Variants in IMMP2L observed in about 807,000 individuals in gnomAD.
IMMP2L encodes the protein mitochondrial inner membrane protease subunit 2.
Under a neutral mutation model 19.3 loss-of-function variants are expected in IMMP2L, and 18 were observed. The ratio of observed to expected loss-of-function variants is 0.93; its 90% CI spans 0.64 to 1.38. The LOEUF (loss-of-function observed/expected upper bound fraction) is 1.38, where lower values mean the gene tolerates loss of function less well. IMMP2L is among the 40% of genes most tolerant of loss of function. The pLI is 0.00. For missense variants in IMMP2L, 233 were observed against 218.2 expected, an observed-to-expected ratio of 1.07 and a Z score of -0.43; for synonymous variants, 76 against 73.0, an observed-to-expected ratio of 1.04 and a Z score of -0.21.
chr7:111,012,529 A>G (rs1825076949), intron 3 of IMMP2L, among the ~76,000 whole-genome samples: 1 of 152,182 alleles, frequency 6.6e-6, no homozygotes. Context: ...CATAGGGGCA[A>G]ATGAAACATA....
rs1218312046 is a variant in IMMP2L, at chr7:111,370,850, C to T, written c.239+116388G>A. Reference sequence around the variant, plus strand: ...TATTTAAAGATAAATAAAATCTGCACATGGTGAGAAAATATTAACACAAAA... The same window carrying T: ...TATTTAAAGATAAATAAAATCTGCATATGGTGAGAAAATATTAACACAAAA... On this transcript the variant is annotated intron_variant, in intron 3 of 5. Transcript: ENST00000405709. 2.0e-5 allele frequency among the ~76,000 whole-genome samples: 3 copies of T among 151,890 alleles called. No homozygotes were observed. The Admixed American group carries it at 2.0e-4, about 10-fold the overall frequency.
chr7:111,470,739 G>A (rs1490001716), intron 3 of IMMP2L, among the ~76,000 whole-genome samples: 1 of 119,220 alleles, frequency 8.4e-6, no homozygotes, highest in East Asian at 3.1e-4. Context: ...TGGGGGGGAG[G>A]GGGGAGGGAT....
intron 3 of IMMP2L, among the ~76,000 whole-genome samples, chr7:111,047,400 C>G (rs556520625): frequency 7.4e-4 from 112 of 152,188 alleles, no homozygotes; most frequent in African/African-American, 2.5e-3. Context: ...GTTGGTCAGG[C>G]TGGTCTCGAA....
chr7:110,701,951 T>A (rs1360530892), intron 5 of IMMP2L, among the ~76,000 whole-genome samples: 1 of 152,100 alleles, frequency 6.6e-6, no homozygotes, highest in African/African-American at 2.4e-5. Flanking sequence ...TTATTTTTTT[T>A]CTTGAGACAG....
At chr7:111,059,673 A>G (rs1793836471) in intron 3 of IMMP2L, among the ~76,000 whole-genome samples, 4 of 152,294 alleles carry the variant, frequency 2.6e-5, no homozygotes, top group African/African-American at 9.6e-5. Flanking sequence ...TCATTTACAT[A>G]TTCTGCTGAC....
At chr7:110,695,792 C>T (rs1251197209) in intron 5 of IMMP2L, among the ~76,000 whole-genome samples, 1 of 151,844 alleles carries the variant, frequency 6.6e-6, no homozygotes, top group Non-Finnish European at 1.5e-5. Context: ...ACAGCCTAGT[C>T]CGACAGACCA....
intron 3 of IMMP2L, among the ~76,000 whole-genome samples, chr7:111,178,708 C>T (rs1807359401): frequency 6.6e-6 from 1 of 152,098 alleles, no homozygotes; most frequent in African/African-American, 2.4e-5. Context: ...CCATAAAAAG[C>T]AACTCCTCGT....
chr7:110,742,665 G>A (rs1797059944), intron 5 of IMMP2L, among the ~76,000 whole-genome samples: 1 of 151,516 alleles, frequency 6.6e-6, no homozygotes, highest in South Asian at 2.1e-4. Flanking sequence ...CTACTCAGGA[G>A]GCTGAGGCAG....
At chr7:111,423,267 A>T (rs13308270) in intron 3 of IMMP2L, among the ~76,000 whole-genome samples, 2 of 151,762 alleles carry the variant, frequency 1.3e-5, no homozygotes, top group East Asian at 1.9e-4. Context: ...TTTCTATTGA[A>T]TGGAATAGTT....
At chr7:111,497,068 A>G (rs192570483) in intron 2 of IMMP2L, among the ~76,000 whole-genome samples, 34 of 152,294 alleles carry the variant, frequency 2.2e-4, no homozygotes, top group Non-Finnish European at 3.8e-4. Context: ...TATTGATTTA[A>G]TTCAGAATTA....
At chr7:111,207,546 T>G (rs1271399918) in intron 3 of IMMP2L, among the ~76,000 whole-genome samples, 12 of 143,900 alleles carry the variant, frequency 8.3e-5, no homozygotes, top group Admixed American at 1.4e-4. Context: ...TTTTTTTTTT[T>G]TTTTTTTTTT....
intron 1 of IMMP2L, among the ~76,000 whole-genome samples, chr7:111,527,425 G>A (rs1056567041): frequency 4.8e-5 from 7 of 146,176 alleles, no homozygotes; most frequent in African/African-American, 1.8e-4. Context: ...TCCAAAAAGG[G>A]GGGGGGGGTA....
intron 3 of IMMP2L, among the ~76,000 whole-genome samples, chr7:111,114,611 CT>C (rs1342088401): frequency 1.3e-5 from 2 of 151,648 alleles, no homozygotes; most frequent in African/African-American, 4.8e-5. Context: ...TGGCAGGTGC[CT>C]GTAATCCCAG....
At position 110,826,024 on chromosome 7, in the gene IMMP2L, G is replaced by A. The variant is rs187247264; in HGVS notation, c.408+60569C>T. Among the ~76,000 whole-genome samples the A allele has an allele frequency of 2.3e-3, 351 of 152,204 alleles. 2 individuals are homozygous for A. The highest frequency in any genetic ancestry group is 7.7e-3 in the African/African-American group (319 of 41,542). On this transcript the variant is annotated intron_variant, in intron 5 of 5. Transcript: ENST00000405709. ...CAAACAACCCCATCAAAAAGTGGGC[G>A]AAGGATATGAACACACACTTCTCAA...
intron 3 of IMMP2L, among the ~76,000 whole-genome samples, chr7:110,963,812 G>C (rs1488726121): frequency 6.6e-6 from 1 of 151,686 alleles, no homozygotes; most frequent in Non-Finnish European, 1.5e-5. Context: ...AAAATACAGA[G>C]GAATAAAACA....
chr7:111,130,640 G>A (rs187994180), intron 3 of IMMP2L, among the ~76,000 whole-genome samples: 1 of 152,034 alleles, frequency 6.6e-6, no homozygotes, highest in South Asian at 2.1e-4. Context: ...AGAGAATCAG[G>A]CTGTAATAAA....
intron 3 of IMMP2L, among the ~76,000 whole-genome samples, chr7:111,169,476 C>A (rs1033925089): frequency 4.0e-5 from 6 of 151,882 alleles, no homozygotes; most frequent in Non-Finnish European, 1.5e-5. Context: ...GGGTTGGTTT[C>A]TTCTGAAACT....
At chr7:111,029,484 C>A (rs2129568466) in intron 3 of IMMP2L, among the ~76,000 whole-genome samples, 1 of 152,276 alleles carries the variant, frequency 6.6e-6, no homozygotes, top group African/African-American at 2.4e-5. Context: ...GTAGCTATTT[C>A]TTTGCATCAG....
intron 3 of IMMP2L, among the ~76,000 whole-genome samples, chr7:111,054,226 A>G (rs1040563108): frequency 4.6e-5 from 7 of 152,244 alleles, no homozygotes; most frequent in African/African-American, 1.2e-4. Context: ...AAAAAAATCT[A>G]TGCCACTGAG....
Sources: allele counts gnomAD v4.1 joint callset (sites outside exome capture counted in the v4.1 genomes callset), GRCh38; gene constraint gnomAD v4.1.1; transcripts MANE v1.5; gene names NCBI Gene and HGNC (gene_info 2026-07-23, HGNC 2026-07-21).